The following DIAPH3 variants were observed in gnomAD, a reference collection of about 807,000 sequenced individuals.
The protein encoded by DIAPH3 is diaphanous related formin 3.
In DIAPH3, 117 loss-of-function variants were observed where a neutral mutation model predicts 144.3. The ratio of observed to expected loss-of-function variants is 0.81; its 90% confidence interval spans 0.70 to 0.95. DIAPH3 has a LOEUF of 0.95. Ranked by LOEUF, DIAPH3 falls within the 40% of genes least tolerant of loss-of-function variation. DIAPH3 has a pLI of 0.00. For synonymous variants in DIAPH3, 519 were observed against 488.9 expected, an observed-to-expected ratio of 1.06 and a Z score of -0.81; for missense variants, 1,421 against 1,412.7, an observed-to-expected ratio of 1.01 and a Z score of -0.09.
chr13:59,839,509 C>G (rs1362753152), intron 22 of DIAPH3, 61 bp from the exon 23 acceptor site: 17 of 1,516,382 alleles, frequency 1.1e-5, no homozygotes. Context: ...AAAGGTAAGA[C>G]ACCCTAGAAA....
intron 27 of DIAPH3, among the ~76,000 whole-genome samples, chr13:59,707,015 T>C (rs1394079527): frequency 6.6e-6 from 1 of 152,210 alleles, no homozygotes; most frequent in Admixed American, 6.5e-5. Flanking sequence ...TATGATTATA[T>C]TATTAGCAGT....
intron 27 of DIAPH3, among the ~76,000 whole-genome samples, chr13:59,693,612 C>A (rs1450632955): frequency 6.6e-6 from 1 of 151,958 alleles, no homozygotes; most frequent in Non-Finnish European, 1.5e-5. Flanking sequence ...GCGTATTTCC[C>A]AATCTTAGAA....
At chr13:59,795,590 A>T (rs905008106) in intron 25 of DIAPH3, among the ~76,000 whole-genome samples, 2 of 151,482 alleles carry the variant, frequency 1.3e-5, no homozygotes, top group Non-Finnish European at 2.9e-5. Context: ...AGTAGCTGGG[A>T]CTACAGGTGG....
chr13:59,774,365 T>C (rs2038283894), intron 26 of DIAPH3, 117 bp from the exon 27 acceptor site: 1 of 803,218 alleles, frequency 1.2e-6, no homozygotes, highest in Non-Finnish European at 2.0e-6. Context: ...AAAGTAATGC[T>C]TCAATATCCT....
At chr13:59,791,447 T>C (rs2039320276) in intron 25 of DIAPH3, among the ~76,000 whole-genome samples, 1 of 152,188 alleles carries the variant, frequency 6.6e-6, no homozygotes, top group Non-Finnish European at 1.5e-5. Flanking sequence ...TCAAAGTAGC[T>C]ATTATCTAAT....
intron 27 of DIAPH3, among the ~76,000 whole-genome samples, chr13:59,737,308 TAAAC>T (rs1004344978): frequency 6.0e-5 from 5 of 83,872 alleles, no homozygotes; most frequent in Non-Finnish European, 1.1e-4. Context: ...AAAGAAAAAA[TAAAC>T]AACGCCATTA....
intron 25 of DIAPH3, among the ~76,000 whole-genome samples, chr13:59,799,978 C>T (rs2139465132): frequency 6.6e-6 from 1 of 151,876 alleles, no homozygotes; most frequent in East Asian, 2.0e-4. Context: ...TATTGAGTAT[C>T]TAATTAATGA....
At chr13:60,103,219 G>A (rs1397840225) in intron 3 of DIAPH3, among the ~76,000 whole-genome samples, 2 of 151,916 alleles carry the variant, frequency 1.3e-5, no homozygotes, top group African/African-American at 4.8e-5. Flanking sequence ...GGAGCACTAA[G>A]GCACAATCAA....
intron 19 of DIAPH3, among the ~76,000 whole-genome samples, chr13:59,913,440 T>C (rs1046330416): frequency 9.2e-5 from 14 of 152,074 alleles, no homozygotes; most frequent in Non-Finnish European, 1.9e-4. Flanking sequence ...TGCCCTTCAC[T>C]ACATTTTTCA....
intron 5 of DIAPH3, among the ~76,000 whole-genome samples, chr13:60,037,608 AG>A (rs1291792050): frequency 6.6e-6 from 1 of 152,002 alleles, no homozygotes; most frequent in Non-Finnish European, 1.5e-5. Flanking sequence ...ATCCAAAAGA[AG>A]TTAAGGAGAA....
intron 4 of DIAPH3, among the ~76,000 whole-genome samples, chr13:60,086,387 T>C (rs1199586802): frequency 6.6e-6 from 1 of 152,130 alleles, no homozygotes; most frequent in Non-Finnish European, 1.5e-5. Context: ...CCAGCTAGAT[T>C]ATTAGAAAAT....
chr13:60,080,158 AT>A (rs1286361786), intron 4 of DIAPH3, among the ~76,000 whole-genome samples: 12 of 151,964 alleles, frequency 7.9e-5, no homozygotes, highest in African/African-American at 2.9e-4. Flanking sequence ...TCTAGAAAAA[AT>A]ATATTGTATT....
At chr13:59,741,921 T>C (rs2036475925) in intron 27 of DIAPH3, among the ~76,000 whole-genome samples, 1 of 152,122 alleles carries the variant, frequency 6.6e-6, no homozygotes, top group South Asian at 2.1e-4. Flanking sequence ...GTATTAGTCT[T>C]TTCTCATGCT....
At chr13:59,910,786 C>A (rs1242240394) in intron 20 of DIAPH3, among the ~76,000 whole-genome samples, 9 of 141,720 alleles carry the variant, frequency 6.4e-5, no homozygotes, top group African/African-American at 2.1e-4. Context: ...AGACTGTGAA[C>A]AAGGAAAATC....
intron 27 of DIAPH3, among the ~76,000 whole-genome samples, chr13:59,686,086 T>A (rs981504259): frequency 1.3e-5 from 2 of 152,112 alleles, no homozygotes; most frequent in Admixed American, 1.3e-4. Flanking sequence ...TATAAGATCC[T>A]TTTTGATTCA....
At chr13:59,826,619 T>C (rs1442851487) in intron 24 of DIAPH3, among the ~76,000 whole-genome samples, 20 of 149,492 alleles carry the variant, frequency 1.3e-4, no homozygotes, top group East Asian at 3.9e-4. Flanking sequence ...AGGTAATTTA[T>C]AGATTCAATG....
At chr13:59,670,583 CTTTTTTT>C (rs1229739034) in intron 27 of DIAPH3, among the ~76,000 whole-genome samples, 4 of 134,680 alleles carry the variant, frequency 3.0e-5, no homozygotes, top group Non-Finnish European at 3.2e-5. Flanking sequence ...TGGAAGTTCA[CTTTTTTT>C]TTTTTTTTTT....
At chr13:59,829,943 A>G (rs2041685293) in intron 24 of DIAPH3, among the ~76,000 whole-genome samples, 1 of 151,928 alleles carries the variant, frequency 6.6e-6, no homozygotes, top group South Asian at 2.1e-4. Context: ...AAGCTCATTC[A>G]TGACCAGAAG....
intron 27 of DIAPH3, among the ~76,000 whole-genome samples, chr13:59,748,574 C>T (rs1390386029): frequency 1.3e-5 from 2 of 152,172 alleles, no homozygotes; most frequent in African/African-American, 4.8e-5. Flanking sequence ...TAGAATCCTC[C>T]TAACTTGATT....
Sources: gnomAD v4.1 joint callset for allele counts (sites outside exome capture counted in the v4.1 genomes callset) on GRCh38, gnomAD v4.1.1 for gene constraint, MANE v1.5 for transcripts, NCBI Gene and HGNC (gene_info 2026-07-23, HGNC 2026-07-21) for gene names.